Variants in SMG1 observed in about 807,000 individuals in gnomAD.
The protein encoded by SMG1 is SMG1 nonsense mediated mRNA decay associated PI3K related kinase.
A neutral mutation model predicts 419.9 loss-of-function variants in SMG1; 22 were observed. That is an observed-to-expected ratio of 0.05 (90% CI 0.04 to 0.07). The LOEUF (loss-of-function observed/expected upper bound fraction) is 0.07, where lower values mean the gene tolerates loss of function less well. Ranked by LOEUF, SMG1 falls within the 10% of genes least tolerant of loss-of-function variation. SMG1 has a pLI of 1.00. For missense variants in SMG1, 3,185 were observed against 4,342.0 expected (o/e 0.73, Z 7.49); for synonymous variants, 1,538 against 1,553.5 (o/e 0.99, Z 0.23).
chr16:18,831,566 T>C (rs1054617676), intron 51 of SMG1, among the ~76,000 whole-genome samples: 1 of 152,152 alleles, frequency 6.6e-6, no homozygotes, highest in Non-Finnish European at 1.5e-5. Flanking sequence ...AGCTGTTCTA[T>C]AAATAATCTA....
chr16:18,810,883 CTG>C (rs368249563), intron 62 of SMG1, among the ~76,000 whole-genome samples: 3 of 152,278 alleles, frequency 2.0e-5, no homozygotes, highest in Middle Eastern at 3.4e-3. Flanking sequence ...TTCAGAAAAA[CTG>C]TGTGTGCATA....
chr16:18,849,013 T>G (rs2034429548), intron 36 of SMG1, among the ~76,000 whole-genome samples: 1 of 128,402 alleles, frequency 7.8e-6, no homozygotes, highest in South Asian at 2.4e-4. Context: ...GAGACTGCAG[T>G]GAGCTGAGAT....
At chr16:18,812,256 T>A in intron 60 of SMG1, 129 bp from the exon 61 acceptor site, 2 of 846,796 alleles carry the variant, frequency 2.4e-6, no homozygotes, top group East Asian at 2.7e-5. Flanking sequence ...ATCCTTATCC[T>A]TGGACACAGC....
intron 1 of SMG1, among the ~76,000 whole-genome samples, chr16:18,906,436 C>A (rs775687615): frequency 6.6e-6 from 1 of 151,918 alleles, no homozygotes; most frequent in Non-Finnish European, 1.5e-5. Flanking sequence ...TGAGCCAAGA[C>A]TGCACCACTG....
chr16:18,904,264 C>T (rs535614956), intron 1 of SMG1, among the ~76,000 whole-genome samples: 18 of 151,026 alleles, frequency 1.2e-4, no homozygotes, highest in African/African-American at 4.1e-4. Context: ...GCAAAATCTC[C>T]CATTTTACTA....
chr16:18,809,323 C>T lies in SMG1; in HGVS notation c.*246G>A. 1.0e-5 allele frequency: 5 copies of T among 496,992 alleles called. No individual in the cohort carries two copies. The highest frequency in any genetic ancestry group is 1.9e-5 in the Non-Finnish European group (5 of 264,946). The allele number at this position is 496,992 out of a possible 1,614,324, so 30.8% of individuals were successfully genotyped here. A position where few individuals can be genotyped will look rare whatever the true frequency, so the allele number is the denominator to read the frequency against. On this transcript the variant is annotated 3_prime_UTR_variant, in exon 63 of 63. Transcript: ENST00000446231. ...GTGGCAGAAAGACAATCTCCGTGTT[C>T]AGGCGGTGAGCTTGCTTTCCTTCAC...
chr16:18,885,797 AG>A, intron 6 of SMG1, 131 bp from the exon 7 acceptor site: 13 of 798,770 alleles, frequency 1.6e-5, no homozygotes, highest in Non-Finnish European at 1.9e-5. Flanking sequence ...CTGTAGTTTT[AG>A]TTAAAAAAAA....
At chr16:18,809,794 A>G in intron 62 of SMG1, 148 bp from the exon 63 acceptor site, 1 of 603,032 alleles carries the variant, frequency 1.7e-6, no homozygotes, top group Non-Finnish European at 3.0e-6. Flanking sequence ...ATTTTCATAT[A>G]AAATGTAATA....
chr16:18,839,492 T>C (rs2033784521), intron 42 of SMG1, among the ~76,000 whole-genome samples: 1 of 152,120 alleles, frequency 6.6e-6, no homozygotes, highest in Non-Finnish European at 1.5e-5. Context: ...CCTTTTCATT[T>C]CCTCCATAAC....
chr16:18,899,265 A>G (rs1380454456), intron 1 of SMG1, among the ~76,000 whole-genome samples: 3 of 152,168 alleles, frequency 2.0e-5, no homozygotes, highest in African/African-American at 7.2e-5. Flanking sequence ...ACTAAACTGT[A>G]AAACCAGGAG....
At chr16:18,830,761 CCA>C (rs1047252787) in intron 51 of SMG1, among the ~76,000 whole-genome samples, 2 of 152,062 alleles carry the variant, frequency 1.3e-5, no homozygotes, top group African/African-American at 4.8e-5. Context: ...CCATTACACT[CCA>C]GTCTGGGCAA....
intron 1 of SMG1, among the ~76,000 whole-genome samples, chr16:18,920,671 C>T (rs1306636687): frequency 6.6e-6 from 1 of 151,036 alleles, no homozygotes; most frequent in Admixed American, 6.6e-5. Flanking sequence ...CCCATCTCTA[C>T]AAAAAACAAA....
intron 1 of SMG1, among the ~76,000 whole-genome samples, chr16:18,906,483 C>T (rs527459675): frequency 4.6e-5 from 7 of 152,064 alleles, no homozygotes; most frequent in East Asian, 3.9e-4. Flanking sequence ...AGCGAAACTC[C>T]GTCTCGGGGT....
Position 18,838,396 on chromosome 16 carries a change from T to C in SMG1, c.7155A>G (p.Val2385=), listed in dbSNP as rs370161461. Residue 2385 remains valine (V), a synonymous_variant, in exon 44 of 63, where the codon GTA becomes GTG. Coordinates refer to ENST00000446231, the MANE Select transcript of SMG1 (RefSeq NM_015092.5). ...MTQNIETALG[V]TGVEGVFRLS... ...GCCTAAATACACCTTCTACTCCAGTTACACCCAGTGCTGTTTCAATGTTTT... is the reference window on the plus strand; with the variant it reads ...GCCTAAATACACCTTCTACTCCAGTCACACCCAGTGCTGTTTCAATGTTTT... The C allele has an allele frequency of 1.4e-5, 22 of 1,613,342 alleles. No individual in the cohort carries two copies. Among genetic ancestry groups the C allele is most frequent in the Non-Finnish European group, 1.6e-5 (19 of 1,179,742 alleles).
chr16:18,812,066 C>T lies in SMG1; in HGVS notation c.10683G>A (p.Lys3561=), dbSNP rs1378667444. Reference sequence around the variant, plus strand: ...ATGTAGCAAGATTTTTTTGGATCAGCTTTCTAGCATTCTGTGACATGACAT... The same window carrying T: ...ATGTAGCAAGATTTTTTTGGATCAGTTTTCTAGCATTCTGTGACATGACAT... ...QPDVMSQNAR[K]LIQKNLATSA... Residue 3561 remains lysine (K), a synonymous_variant, in exon 61 of 63, where the codon AAG becomes AAA. Coordinates refer to ENST00000446231, the MANE Select transcript of SMG1 (RefSeq NM_015092.5). The T allele has an allele frequency of 4.3e-6, 7 of 1,613,906 alleles. No individual in the cohort carries two copies. The highest frequency in any genetic ancestry group is 2.5e-6 in the Non-Finnish European group (3 of 1,179,852).
chr16:18,892,375 T>G, intron 3 of SMG1, 21 bp from the exon 4 acceptor site: 1 of 1,539,228 alleles, frequency 6.5e-7, no homozygotes, highest in Non-Finnish European at 8.8e-7. Context: ...ATAAACATTT[T>G]GTTGTCCATT....
At chr16:18,834,501 C>T (rs981741513) in intron 49 of SMG1, 63 bp from the exon 50 acceptor site, 42 of 1,463,940 alleles carry the variant, frequency 2.9e-5, no homozygotes, top group South Asian at 1.4e-4. Context: ...GGTAACTGGC[C>T]GGGTCAAGGC....
intron 38 of SMG1, among the ~76,000 whole-genome samples, chr16:18,846,569 G>T (rs1948513765): frequency 6.6e-6 from 1 of 152,126 alleles, no homozygotes; most frequent in South Asian, 2.1e-4. Flanking sequence ...CAAAGGACTT[G>T]TAATGACATT....
intron 1 of SMG1, among the ~76,000 whole-genome samples, chr16:18,906,222 G>A (rs557050179): frequency 3.3e-5 from 5 of 152,096 alleles, no homozygotes; most frequent in South Asian, 4.2e-4. Context: ...GGTGGTTCAC[G>A]CCTGTAATCC....
Sources: gnomAD v4.1 joint callset for allele counts (sites outside exome capture counted in the v4.1 genomes callset) on GRCh38, gnomAD v4.1.1 for gene constraint, MANE v1.5 for transcripts, NCBI Gene and HGNC (gene_info 2026-07-23, HGNC 2026-07-21) for gene names.